The following CEP76 variants were observed in gnomAD, a reference collection of about 807,000 sequenced individuals.
CEP76 encodes the protein centrosomal protein 76.
CEP76 carries 55 observed loss-of-function variants against 83.3 expected under a neutral mutation model. The ratio of observed to expected loss-of-function variants is 0.66; its 90% confidence interval spans 0.53 to 0.83. The LOEUF is 0.83. Among genes scored for constraint, CEP76 ranks in the 40% least tolerant of loss-of-function variants. CEP76 has a pLI of 0.00. For missense variants in CEP76, 694 were observed against 799.5 expected (o/e 0.87, Z 1.59); for synonymous variants, 270 against 274.5 (o/e 0.98, Z 0.16).
Position 12,697,200 on chromosome 18 carries a change from CAAT to C in CEP76, c.706+20_706+22del. The C allele has an allele frequency of 6.7e-7, 1 of 1,501,052 alleles. No individual in the cohort carries two copies. Among genetic ancestry groups the C allele is most frequent in the Non-Finnish European group, 9.1e-7 (1 of 1,104,220 alleles). 93.0% of individuals were successfully genotyped at this position (1,501,052 alleles called of 1,614,324 possible). A position where few individuals can be genotyped will look rare whatever the true frequency, so the allele number is the denominator to read the frequency against. The stretch of plus-strand genomic sequence containing the variant: ...TGAACTGTGGCTATAAAAAGGTTAA[CAAT>C]GATATATTAATCACCATACCTACAC... On this transcript the variant is annotated intron_variant, in intron 5 of 11. Transcript: ENST00000262127.
In CEP76 at chr18:12,680,716, A is replaced by G. The variant is rs765933710; in HGVS notation, c.1235T>C (p.Met412Thr). Residue 412 changes from methionine to threonine, a missense_variant, in exon 9 of 12, where the codon ATG (methionine) becomes ACG (threonine). Coordinates refer to ENST00000262127, the MANE Select transcript of CEP76 (RefSeq NM_024899.4). ...GATGGCCCCATCAGTTCCACAAGTC[A>G]TAACCCATGCATGAGGTACTCCTTT... ...KAKGVPHAWV[M>T]TCGTDGAITF... 3.1e-6 allele frequency: 5 copies of G among 1,613,832 alleles called. No individual in the cohort carries two copies. In the South Asian group the frequency reaches 5.5e-5, roughly 18 times the overall value.
chr18:12,683,988 T>C (rs1479468329), intron 8 of CEP76, among the ~76,000 whole-genome samples: 1 of 150,250 alleles, frequency 6.7e-6, no homozygotes, highest in African/African-American at 2.4e-5. Context: ...AAAATCTAAA[T>C]ATATATATGA....
chr18:12,690,764 A>G (rs1346175944), intron 7 of CEP76, among the ~76,000 whole-genome samples: 1 of 152,128 alleles, frequency 6.6e-6, no homozygotes, highest in Non-Finnish European at 1.5e-5. Context: ...TGACCTGACC[A>G]TATATTTTAT....
chr18:12,686,693 G>A (rs1476379527), intron 7 of CEP76: 2 of 332,574 alleles, frequency 6.0e-6, no homozygotes, highest in African/African-American at 2.2e-5. Flanking sequence ...CCAGGTTCAA[G>A]CTCTGAGCTG....
rs1278033054 is a variant in CEP76 at position 12,672,897 on chromosome 18, T to C, written c.*468A>G. ...CCACAAAAGTGGTAATTCATTAACA[T>C]TTATTTTCACCAATGCAATAAATAA... On this transcript the variant is annotated 3_prime_UTR_variant, in exon 12 of 12. Coordinates refer to ENST00000262127, the MANE Select transcript of CEP76 (RefSeq NM_024899.4). The C allele has an allele frequency of 4.2e-5, 41 of 985,258 alleles. No homozygotes were observed. The highest frequency in any genetic ancestry group is 4.8e-5 in the Non-Finnish European group (40 of 829,746). 61.0% of individuals were successfully genotyped at this position (985,258 alleles called of 1,614,324 possible). A position where few individuals can be genotyped will look rare whatever the true frequency, so the allele number is the denominator to read the frequency against.
intron 11 of CEP76, among the ~76,000 whole-genome samples, chr18:12,674,263 C>T (rs1297142184): frequency 6.6e-6 from 1 of 151,742 alleles, no homozygotes; most frequent in Non-Finnish European, 1.5e-5. Flanking sequence ...ATAGGAAGAC[C>T]CCCATCTCTA....
rs1390777743 is a variant in CEP76, at chr18:12,662,104, C to T, written c.*1793G>A. On this transcript the variant is annotated 3_prime_UTR_variant and NMD_transcript_variant, in exon 13 of 13. Transcript: ENST00000590143. ...CTGCTCTGAGTCTTTCAGGGAGCAC[C>T]ATCACTGTGCAGCCCAAGCTTTTCC... 1.4e-5 allele frequency: 6 copies of T among 433,628 alleles called. No individual in the cohort carries two copies. The Admixed American group carries it at 1.6e-4, about 12-fold the overall frequency. The allele number at this position is 433,628 out of a possible 1,614,324, so 26.9% of individuals were successfully genotyped here.
chr18:12,672,842 G>C lies in CEP76; in HGVS notation c.*523C>G, dbSNP rs945542550. On this transcript the variant is annotated 3_prime_UTR_variant, in exon 12 of 12. Coordinates refer to ENST00000262127, the MANE Select transcript of CEP76 (RefSeq NM_024899.4). Reference sequence around the variant, plus strand: ...AGGTCCAACCATAAATTTCTGGACAGTCTCAAATATCCCAAGGACCACGAA... The same window carrying C: ...AGGTCCAACCATAAATTTCTGGACACTCTCAAATATCCCAAGGACCACGAA... 2.0e-6 allele frequency: 2 copies of C among 985,026 alleles called. No homozygotes were observed. Among genetic ancestry groups the C allele is most frequent in the African/African-American group, 3.5e-5 (2 of 57,332 alleles). 61.0% of individuals were successfully genotyped at this position (985,026 alleles called of 1,614,324 possible).
chr18:12,669,399 A>AC (rs1293069900), downstream of CEP76, among the ~76,000 whole-genome samples: 2 of 151,924 alleles, frequency 1.3e-5, no homozygotes, highest in Non-Finnish European at 2.9e-5. Flanking sequence ...GGCATGAGCC[A>AC]CCGCGCCTGG....
intron 8 of CEP76, among the ~76,000 whole-genome samples, chr18:12,682,214 G>A (rs74545794): frequency 0.14 from 21,275 of 151,910 alleles, 1,725 homozygotes; most frequent in African/African-American, 0.2. Flanking sequence ...ACCCAGGCTG[G>A]AGTGCAGTGG....
intron 7 of CEP76, among the ~76,000 whole-genome samples, chr18:12,690,380 T>C (rs1434415165): frequency 6.6e-6 from 1 of 152,172 alleles, no homozygotes; most frequent in Non-Finnish European, 1.5e-5. Flanking sequence ...AAAGCATCTG[T>C]ATGAGGCTGA....
intron 2 of CEP76, chr18:12,700,143 T>C (rs1305909423): frequency 3.3e-6 from 1 of 307,184 alleles, no homozygotes; most frequent in Non-Finnish European, 5.9e-6. Flanking sequence ...CAAGTAATAC[T>C]ATCCACATAA....
At chr18:12,674,839 T>A in intron 10 of CEP76, 86 bp from the exon 11 acceptor site, 1 of 723,356 alleles carries the variant, frequency 1.4e-6, no homozygotes, top group Non-Finnish European at 2.2e-6. Flanking sequence ...TATTTTAATG[T>A]ATACCAAGAA....
At position 12,673,033 on chromosome 18, in the gene CEP76, CTT is replaced by C; in HGVS notation, c.*330_*331del. On this transcript the variant is annotated 3_prime_UTR_variant, in exon 12 of 12. Transcript: ENST00000262127. ...GGCTCAAACCCTTAGACAAACATCTCTTTGATTACCTGTTTGTGTAAAGAAAA... is the reference window on the plus strand; with the variant it reads ...GGCTCAAACCCTTAGACAAACATCTCTGATTACCTGTTTGTGTAAAGAAAA... 2.0e-6 allele frequency: 2 copies of C among 1,015,082 alleles called. No homozygotes were observed. The highest frequency in any genetic ancestry group is 2.4e-6 in the Non-Finnish European group (2 of 849,830). The allele number at this position is 1,015,082 out of a possible 1,614,324, so 62.9% of individuals were successfully genotyped here. A position where few individuals can be genotyped will look rare whatever the true frequency, so the allele number is the denominator to read the frequency against.
chr18:12,675,891 A>G (rs1028379192), intron 10 of CEP76, among the ~76,000 whole-genome samples: 4 of 151,194 alleles, frequency 2.6e-5, no homozygotes, highest in Non-Finnish European at 5.9e-5. Context: ...CTGGTCTCAA[A>G]CTCCTGACCT....
Position 12,701,009 on chromosome 18 carries a change from A to G in CEP76, c.168T>C (p.Leu56=). The G allele has an allele frequency of 6.2e-7, 1 of 1,613,938 alleles. No homozygotes were observed. Among genetic ancestry groups the G allele is most frequent in the Middle Eastern group, 1.7e-4 (1 of 6,060 alleles). Residue 56 remains leucine, a synonymous_variant, in exon 2 of 12, where the codon CTT becomes CTC. Coordinates refer to ENST00000262127, the MANE Select transcript of CEP76 (RefSeq NM_024899.4). ...CATCGTCAATGATTCCTCGACGTCT[A>G]AGGGCTTTGATCAAATCTTCTGTTG... ...HLSTEDLIKA[L]RRRGIIDDVM...
intron 5 of CEP76, among the ~76,000 whole-genome samples, chr18:12,696,289 G>A (rs934406396): frequency 4.6e-5 from 7 of 152,132 alleles, no homozygotes; most frequent in African/African-American, 1.7e-4. Flanking sequence ...CAGATCACGA[G>A]GTCAAGAGAT....
rs1216136096 is a variant in CEP76 at position 12,686,597 on chromosome 18, G to T, written c.934-147C>A. The T allele has an allele frequency of 6.9e-6, 4 of 580,146 alleles. No homozygotes were observed. In the East Asian group the frequency reaches 1.2e-4, roughly 18 times the overall value. 35.9% of individuals were successfully genotyped at this position (580,146 alleles called of 1,614,324 possible). Reference sequence around the variant, plus strand: ...ATCCAGTATTTGGCTGCAAAGTGCTGTGTATATAATTTCCCTTAATCCTCA... The same window carrying T: ...ATCCAGTATTTGGCTGCAAAGTGCTTTGTATATAATTTCCCTTAATCCTCA... On this transcript the variant is annotated intron_variant, in intron 7 of 11. Coordinates refer to ENST00000262127, the MANE Select transcript of CEP76 (RefSeq NM_024899.4).
At position 12,673,518 on chromosome 18, in the gene CEP76, A is replaced by C. The variant is rs2039004939; in HGVS notation, c.1842-15T>G. On this transcript the variant is annotated splice_polypyrimidine_tract_variant and intron_variant, in intron 11 of 11. Transcript: ENST00000262127. ...AGAAAGGAGATCTATTTAAGAAAAAAAAAATTATTCAATTAAGAAGTGACC... is the reference window on the plus strand; with the variant it reads ...AGAAAGGAGATCTATTTAAGAAAAACAAAATTATTCAATTAAGAAGTGACC... 1.3e-6 allele frequency: 2 copies of C among 1,553,636 alleles called. No individual in the cohort carries two copies. The highest frequency in any genetic ancestry group is 2.4e-5 in the East Asian group (1 of 42,120).
Sources: gnomAD v4.1 joint callset for allele counts (sites outside exome capture counted in the v4.1 genomes callset) on GRCh38, gnomAD v4.1.1 for gene constraint, MANE v1.5 for transcripts, NCBI Gene and HGNC (gene_info 2026-07-23, HGNC 2026-07-21) for gene names.